Variants in MYO18B observed in about 807,000 individuals in gnomAD.
The protein encoded by MYO18B is unconventional myosin-XVIIIb.
In MYO18B, 204 loss-of-function variants were observed where a neutral mutation model predicts 273.0. The observed-to-expected ratio is 0.75, with a 90% CI of 0.67 to 0.84. MYO18B has a LOEUF of 0.84. Ranked by LOEUF, MYO18B falls within the 40% of genes least tolerant of loss-of-function variation. MYO18B has a pLI of 0.00. For missense variants in MYO18B, 3,212 were observed against 3,287.6 expected (o/e 0.98, Z 0.56); for synonymous variants, 1,330 against 1,305.7 (o/e 1.02, Z -0.40).
At chr22:26,056,416 C>T in the MYO18B span, among the ~76,000 whole-genome samples, 1 of 152,132 alleles carries the variant, frequency 6.6e-6, no homozygotes, top group African/African-American at 2.4e-5. Flanking sequence ...GTCAAACGGG[C>T]CCTAACTAGA....
In MYO18B at chr22:25,876,298, C is replaced by T. The variant is rs745719404; in HGVS notation, c.4190C>T (p.Ala1397Val). ...LLGSLQPLLSATIGTEQLRAK... is the reference protein window; with the variant it reads ...LLGSLQPLLSVTIGTEQLRAK... ...GGTTCCCTCCAGCCTCTACTTAGTGCCACCATTGGAACTGAGCAGCTCCGA... is the reference window on the plus strand; with the variant it reads ...GGTTCCCTCCAGCCTCTACTTAGTGTCACCATTGGAACTGAGCAGCTCCGA... Residue 1397 changes from alanine to valine, a missense_variant, in exon 24 of 44, where the codon GCC (alanine) becomes GTC (valine). Transcript: ENST00000335473. 1.2e-6 allele frequency: 2 copies of T among 1,613,360 alleles called. No individual in the cohort carries two copies. Among genetic ancestry groups the T allele is most frequent in the Non-Finnish European group, 1.7e-6 (2 of 1,179,620 alleles).
rs752396542 is a variant in MYO18B at position 26,026,781 on chromosome 22, G to C, written c.6807G>C (p.Thr2269=). The C allele has an allele frequency of 6.2e-7, 1 of 1,606,402 alleles. No individual in the cohort carries two copies. The highest frequency in any genetic ancestry group is 8.5e-7 in the Non-Finnish European group (1 of 1,176,562). Reference sequence around the variant, plus strand: ...GAGCCCAGAGAGGCCAGGGGTCCACGCTGGGCCTAGAGGACTGGCCCACTC... The same window carrying C: ...GAGCCCAGAGAGGCCAGGGGTCCACCCTGGGCCTAGAGGACTGGCCCACTC... ...RKRAQRGQGS[T]LGLEDWPTLP... The change falls in exon 43 of 44, where the codon ACG becomes ACC. Residue 2269 remains threonine (T), a synonymous_variant. Coordinates refer to ENST00000335473, the MANE Select transcript of MYO18B (RefSeq NM_032608.7).
chr22:26,029,343 C>A (rs997664196), intron 43 of MYO18B, among the ~76,000 whole-genome samples: 4 of 152,176 alleles, frequency 2.6e-5, no homozygotes, highest in African/African-American at 2.4e-5. Context: ...TGAGAGACAG[C>A]CTCAGCCCAT....
chr22:25,797,939 C>G lies in MYO18B; in HGVS notation c.2377-14C>G. 1 of 1,614,038 alleles carries G rather than the reference C, an allele frequency of 6.2e-7. No homozygotes were observed. Among genetic ancestry groups the G allele is most frequent in the Non-Finnish European group, 8.5e-7 (1 of 1,179,908 alleles). On this transcript the variant is annotated splice_polypyrimidine_tract_variant and intron_variant, in intron 11 of 43. Coordinates refer to ENST00000335473, the MANE Select transcript of MYO18B (RefSeq NM_032608.7). ...CGATGGCCTTGTTTTCTTCCTCTCT[C>G]CCTTTGCCCGCAGCCTGAAGATAAA...
intron 33 of MYO18B, among the ~76,000 whole-genome samples, chr22:25,917,398 C>T (rs893425805): frequency 1.3e-5 from 2 of 152,172 alleles, no homozygotes; most frequent in South Asian, 4.1e-4. Flanking sequence ...TTTTGTATTG[C>T]TTTATTTTCT....
intron 39 of MYO18B, chr22:25,959,413 C>T (rs1298811445): frequency 6.6e-6 from 1 of 152,074 alleles, no homozygotes; most frequent in Admixed American, 6.6e-5. Context: ...GCTGAGACTA[C>T]AAGTGCATAC....
intron 43 of MYO18B, chr22:26,028,235 A>G (rs1206830302): frequency 1.4e-5 from 2 of 140,634 alleles, no homozygotes; most frequent in Non-Finnish European, 3.1e-5. Context: ...AACAAGAGCA[A>G]AACTCTGTCT....
intron 39 of MYO18B, among the ~76,000 whole-genome samples, chr22:25,955,852 C>T (rs2092845433): frequency 6.6e-6 from 1 of 152,090 alleles, no homozygotes; most frequent in Non-Finnish European, 1.5e-5. Context: ...AGTCTAAGGC[C>T]ACATCTAGTA....
intron 39 of MYO18B, among the ~76,000 whole-genome samples, chr22:25,970,425 T>G (rs1359107366): frequency 6.6e-6 from 1 of 152,186 alleles, no homozygotes; most frequent in Non-Finnish European, 1.5e-5. Context: ...CATAGATGCC[T>G]CCTTCTTTGT....
intron 34 of MYO18B, among the ~76,000 whole-genome samples, chr22:25,925,091 C>T (rs568227579): frequency 2.2e-4 from 34 of 152,180 alleles, no homozygotes; most frequent in Admixed American, 6.5e-4. Flanking sequence ...TTGACCAATA[C>T]GGGTCCTATT....
intron 12 of MYO18B, among the ~76,000 whole-genome samples, chr22:25,798,620 T>C (rs1351565403): frequency 6.6e-6 from 1 of 152,046 alleles, no homozygotes. Flanking sequence ...GCAGTAGTGG[T>C]GCGATCATAG....
At chr22:25,788,596 A>G (rs1377871675) in intron 11 of MYO18B, among the ~76,000 whole-genome samples, 1 of 152,222 alleles carries the variant, frequency 6.6e-6, no homozygotes, top group East Asian at 1.9e-4. Context: ...TGTGGGGGAC[A>G]TATTTATGAA....
intron 21 of MYO18B, among the ~76,000 whole-genome samples, chr22:25,867,083 GA>G (rs1052138662): frequency 1.2e-4 from 18 of 151,854 alleles, no homozygotes; most frequent in African/African-American, 4.3e-4. Flanking sequence ...TTGTAATCTT[GA>G]AAAAAAGCCC....
At chr22:25,821,513 C>T (rs968875219) in intron 12 of MYO18B, among the ~76,000 whole-genome samples, 4 of 152,264 alleles carry the variant, frequency 2.6e-5, no homozygotes, top group South Asian at 4.1e-4. Context: ...AGTGGGGGCT[C>T]ACGCCTGTAA....
chr22:25,787,717 A>T (rs188950247), intron 11 of MYO18B, among the ~76,000 whole-genome samples: 18 of 152,298 alleles, frequency 1.2e-4, no homozygotes, highest in Non-Finnish European at 2.2e-4. Context: ...CGAGGCTGGC[A>T]TTCTTGCTAA....
intron 29 of MYO18B, chr22:25,898,782 G>A (rs1023446896): frequency 5.0e-5 from 13 of 259,420 alleles, no homozygotes; most frequent in Non-Finnish European, 9.5e-5. Flanking sequence ...ACAGCATGGC[G>A]ATTAGGAGCC....
intron 43 of MYO18B, among the ~76,000 whole-genome samples, chr22:26,029,694 T>C (rs1170703623): frequency 2.6e-5 from 4 of 152,184 alleles, no homozygotes; most frequent in Non-Finnish European, 2.9e-5. Context: ...TGCAAATGCA[T>C]GGTGGGCTTT....
At chr22:25,862,249 G>C (rs758916831) in intron 21 of MYO18B, among the ~76,000 whole-genome samples, 64 of 151,942 alleles carry the variant, frequency 4.2e-4, no homozygotes, top group Non-Finnish European at 6.9e-4. Flanking sequence ...AATTCTCCAT[G>C]GATACTGAGG....
chr22:26,059,653 G>A, the MYO18B span, among the ~76,000 whole-genome samples: 2 of 152,294 alleles, frequency 1.3e-5, no homozygotes. Flanking sequence ...ACTTGAACAT[G>A]TTGCCACTGC....
Sources: gnomAD v4.1 joint callset for allele counts (sites outside exome capture counted in the v4.1 genomes callset) on GRCh38, gnomAD v4.1.1 for gene constraint, MANE v1.5 for transcripts, NCBI Gene and HGNC (gene_info 2026-07-23, HGNC 2026-07-21) for gene names.